ADAP1: variants seen among roughly 807,000 people sequenced by gnomAD.
The protein encoded by ADAP1 is arf-GAP with dual PH domain-containing protein 1.
A neutral mutation model predicts 54.9 loss-of-function variants in ADAP1; 31 were observed. The observed-to-expected ratio is 0.56, with a 90% CI of 0.42 to 0.76. The LOEUF (loss-of-function observed/expected upper bound fraction) is 0.76, where lower values mean the gene tolerates loss of function less well. Among genes scored for constraint, ADAP1 ranks in the 30% least tolerant of loss-of-function variants. The probability of loss-of-function intolerance (pLI) is 0.00; values close to 1 mark genes in which losing one functional copy is unlikely to be tolerated. For missense variants in ADAP1, 535 were observed against 512.4 expected, an observed-to-expected ratio of 1.04 and a Z score of -0.42; for synonymous variants, 313 against 202.6, an observed-to-expected ratio of 1.55 and a Z score of -4.63.
intron 2 of ADAP1, chr7:927,359 G>C (rs552153570): frequency 1.3e-6 from 1 of 748,430 alleles, no homozygotes; most frequent in South Asian, 1.6e-5. Context: ...CCGCCAGCCA[G>C]GTATGGTGAG....
chr7:898,884 A>G lies in ADAP1; in HGVS notation c.*37T>C, dbSNP rs1562903724. On this transcript the variant is annotated 3_prime_UTR_variant, in exon 11 of 11. Coordinates refer to ENST00000265846, the MANE Select transcript of ADAP1 (RefSeq NM_006869.4). ...CCACGGGTCCCCTCCGTCCAGCCAC[A>G]GTGAGTCCAATGTCCGTGGTCCTCC... The G allele has an allele frequency of 1.9e-6, 3 of 1,578,300 alleles. No individual in the cohort carries two copies. The highest frequency in any genetic ancestry group is 1.8e-5 in the Admixed American group (1 of 54,958).
In ADAP1 at chr7:904,285, G is replaced by A. The variant is rs776965682; in HGVS notation, c.502-13C>T. 8.9e-6 allele frequency: 14 copies of A among 1,578,678 alleles called. No individual in the cohort carries two copies. Among genetic ancestry groups the A allele is most frequent in the African/African-American group, 1.3e-5 (1 of 74,094 alleles). ...TGGGCTCCTTGGCCTGAGAAGGGGT[G>A]GGGTCTAAGCACCTCACAGGGGCCG... On this transcript the variant is annotated splice_polypyrimidine_tract_variant and intron_variant, in intron 5 of 10. Coordinates refer to ENST00000265846, the MANE Select transcript of ADAP1 (RefSeq NM_006869.4).
At chr7:939,080 C>T (rs1846863839) in intron 1 of ADAP1, among the ~76,000 whole-genome samples, 1 of 152,146 alleles carries the variant, frequency 6.6e-6, no homozygotes, top group Admixed American at 6.6e-5. Context: ...GACTCTACGG[C>T]GTGGACCAGC....
chr7:898,899 C>A lies in ADAP1; in HGVS notation c.*22G>T. ...GTCCAGCCACAGTGAGTCCAATGTC[C>A]GTGGTCCTCCAGCCGCACTCGCTAA... On this transcript the variant is annotated 3_prime_UTR_variant, in exon 11 of 11. Transcript: ENST00000265846. 1 of 1,588,312 alleles carries A rather than the reference C, an allele frequency of 6.3e-7. No homozygotes were observed. Among genetic ancestry groups the A allele is most frequent in the South Asian group, 1.1e-5 (1 of 87,846 alleles).
intron 1 of ADAP1, among the ~76,000 whole-genome samples, chr7:951,958 C>T (rs948039603): frequency 2.0e-5 from 3 of 152,174 alleles, no homozygotes; most frequent in Admixed American, 6.5e-5. Flanking sequence ...TGAGCCACCG[C>T]GCCCGGTCCC....
intron 1 of ADAP1, among the ~76,000 whole-genome samples, chr7:951,946 C>T (rs939447650): frequency 1.4e-4 from 21 of 152,296 alleles, no homozygotes; most frequent in African/African-American, 4.1e-4. Flanking sequence ...GGATGACAGG[C>T]GTGAGCCACC....
At chr7:925,899 G>A (rs780311273) in intron 3 of ADAP1, among the ~76,000 whole-genome samples, 5 of 152,218 alleles carry the variant, frequency 3.3e-5, no homozygotes, top group Non-Finnish European at 5.9e-5. Context: ...ATGGGGGGCC[G>A]GGAGGGCACC....
At chr7:913,081 C>G (rs1398125372) in intron 4 of ADAP1, among the ~76,000 whole-genome samples, 1 of 152,138 alleles carries the variant, frequency 6.6e-6, no homozygotes, top group East Asian at 1.9e-4. Flanking sequence ...CTGGCTCAAG[C>G]AACCCTCCCA....
intron 2 of ADAP1, among the ~76,000 whole-genome samples, chr7:931,545 G>A (rs994931812): frequency 6.6e-6 from 1 of 152,118 alleles, no homozygotes; most frequent in African/African-American, 2.4e-5. Flanking sequence ...GAGAGAAAGT[G>A]GATTTGCAGC....
chr7:940,580 G>A (rs1465059636), intron 1 of ADAP1, among the ~76,000 whole-genome samples: 1 of 152,078 alleles, frequency 6.6e-6, no homozygotes, highest in East Asian at 1.9e-4. Flanking sequence ...AGAGCAAGTG[G>A]AACTCTCATC....
chr7:913,352 C>T (rs1267163916), intron 4 of ADAP1, among the ~76,000 whole-genome samples: 2 of 151,960 alleles, frequency 1.3e-5, no homozygotes, highest in African/African-American at 2.4e-5. Context: ...AGGCGCCCGC[C>T]ACCACACCCA....
intron 4 of ADAP1, among the ~76,000 whole-genome samples, chr7:912,716 ATTTTG>A (rs1339494451): frequency 3.3e-5 from 5 of 152,176 alleles, no homozygotes; most frequent in Admixed American, 2.6e-4. Context: ...CATTTATTTT[ATTTTG>A]ATACGGAATC....
intron 4 of ADAP1, among the ~76,000 whole-genome samples, chr7:907,537 C>T (rs796245130): frequency 6.6e-5 from 10 of 152,274 alleles, no homozygotes; most frequent in African/African-American, 1.9e-4. Flanking sequence ...CGGTCAGTGA[C>T]CCACGTGTGG....
intron 4 of ADAP1, among the ~76,000 whole-genome samples, chr7:914,698 G>A (rs1845860072): frequency 6.6e-6 from 1 of 152,160 alleles, no homozygotes; most frequent in East Asian, 1.9e-4. Flanking sequence ...CTGTGGGAGA[G>A]GTGCCCTGGA....
chr7:951,054 G>A (rs1465111623), intron 1 of ADAP1, among the ~76,000 whole-genome samples: 3 of 151,736 alleles, frequency 2.0e-5, no homozygotes, highest in South Asian at 4.2e-4. Context: ...CTGTGCACTC[G>A]AAACGATGAG....
At chr7:900,226 G>A (rs1407936333) in intron 7 of ADAP1, 62 bp from the exon 8 acceptor site, 2 of 1,597,672 alleles carry the variant, frequency 1.3e-6, no homozygotes, top group Admixed American at 1.7e-5. Context: ...GCCCCTCCCT[G>A]GCTGTGCCCC....
In ADAP1 at chr7:898,428, T is replaced by A. The variant is rs150366342; in HGVS notation, c.*493A>T. ...CCACCCAAACACCCCACGGCCCTCA[T>A]AGCCCCGTGACACACAACAGGCGCT... On this transcript the variant is annotated 3_prime_UTR_variant, in exon 11 of 11. Coordinates refer to ENST00000265846, the MANE Select transcript of ADAP1 (RefSeq NM_006869.4). 4 of 209,348 alleles carry A rather than the reference T, an allele frequency of 1.9e-5. No homozygotes were observed. The highest frequency in any genetic ancestry group is 2.9e-5 in the Non-Finnish European group (3 of 102,038). The allele number at this position is 209,348 out of a possible 1,614,324, so 13.0% of individuals were successfully genotyped here.
At chr7:915,430 C>T (rs1436932056) in intron 4 of ADAP1, among the ~76,000 whole-genome samples, 13 of 152,220 alleles carry the variant, frequency 8.5e-5, no homozygotes, top group South Asian at 2.1e-4. Context: ...GTGGCCGCCC[C>T]GCCGGGCCTG....
In ADAP1 at chr7:938,798, G is replaced by A. The variant is rs1846856038; in HGVS notation, c.83-3293C>T. Among the ~76,000 whole-genome samples, 1 of 152,216 alleles carries A rather than the reference G, an allele frequency of 6.6e-6. No individual in the cohort carries two copies. The highest frequency in any genetic ancestry group is 1.5e-5 in the Non-Finnish European group (1 of 68,038). The stretch of plus-strand genomic sequence containing the variant: ...CTCCTTCTCACCGCATGGCAATGCT[G>A]TTGGTTCTGCTCCGACAGTGTGGAC... On this transcript the variant is annotated intron_variant, in intron 1 of 10. Coordinates refer to ENST00000265846, the MANE Select transcript of ADAP1 (RefSeq NM_006869.4). The surrounding 1 kb of genome is among the most constrained non-coding windows in gnomAD (Gnocchi z 4.4).
Sources: gnomAD v4.1 joint callset for allele counts (sites outside exome capture counted in the v4.1 genomes callset) on GRCh38, gnomAD v4.1.1 for gene constraint, Gnocchi (gnomAD v3.1) non-coding constraint, MANE v1.5 for transcripts, NCBI Gene and HGNC (gene_info 2026-07-23, HGNC 2026-07-21) for gene names.